Variants in BRD10 observed in about 807,000 individuals in gnomAD.
BRD10 encodes the protein bromodomain containing 10.
chr9:5,886,281 C>A, the BRD10 span, among the ~76,000 whole-genome samples: 1 of 152,186 alleles, frequency 6.6e-6, no homozygotes. Flanking sequence ...GGTGGCCAAG[C>A]CCACTAGGTG....
the BRD10 span, among the ~76,000 whole-genome samples, chr9:5,999,167 C>T: frequency 0.89 from 134,811 of 151,970 alleles, 60,833 homozygotes; most frequent in Non-Finnish European, 0.99. Context: ...CTAACTTAAA[C>T]TGATAAAATT....
At chr9:5,901,377 TAA>T in the BRD10 span, among the ~76,000 whole-genome samples, 1 of 152,192 alleles carries the variant, frequency 6.6e-6, no homozygotes, top group African/African-American at 2.4e-5. Context: ...CAAACTTGAG[TAA>T]GTTTCCCTTT....
the BRD10 span, among the ~76,000 whole-genome samples, chr9:5,955,446 T>C: frequency 3.9e-5 from 6 of 152,352 alleles, no homozygotes; most frequent in South Asian, 2.1e-4. Flanking sequence ...ATAATCCTAA[T>C]GCTCCTTTCC....
chr9:5,920,052 A>G, the BRD10 span: 1 of 1,613,986 alleles, frequency 6.2e-7, no homozygotes, highest in Middle Eastern at 1.6e-4. Flanking sequence ...AGTTGTGGTG[A>G]TGTATGTACT....
the BRD10 span, chr9:5,890,978 C>A: frequency 6.6e-6 from 1 of 152,148 alleles, no homozygotes; most frequent in East Asian, 1.9e-4. Flanking sequence ...GTCCTCTTCT[C>A]CCAGAATAGG....
chr9:5,923,427 C>T, the BRD10 span: 1 of 736,080 alleles, frequency 1.4e-6, no homozygotes, highest in South Asian at 2.0e-5. Context: ...AAATCTACTG[C>T]AGGGTGATTC....
the BRD10 span, among the ~76,000 whole-genome samples, chr9:5,998,124 G>A: frequency 6.6e-6 from 1 of 152,042 alleles, no homozygotes; most frequent in Non-Finnish European, 1.5e-5. Context: ...AAAAAGAAAA[G>A]TTCTGTTTTG....
the BRD10 span, among the ~76,000 whole-genome samples, chr9:5,939,642 C>G: frequency 1.3e-5 from 2 of 152,186 alleles, no homozygotes; most frequent in African/African-American, 4.8e-5. Flanking sequence ...AAAACATCAA[C>G]TTGTTTTCTC....
the BRD10 span, among the ~76,000 whole-genome samples, chr9:6,001,208 A>C: frequency 6.6e-6 from 1 of 152,196 alleles, no homozygotes; most frequent in Non-Finnish European, 1.5e-5. Context: ...ACTGTTTATT[A>C]TCTCTTGATG....
chr9:5,984,383 C>T, the BRD10 span, among the ~76,000 whole-genome samples: 8 of 152,204 alleles, frequency 5.3e-5, no homozygotes, highest in East Asian at 1.5e-3. Flanking sequence ...TTATTTGAAA[C>T]TGACCATGAT....
chr9:5,972,282 T>G, the BRD10 span, among the ~76,000 whole-genome samples: 1 of 152,012 alleles, frequency 6.6e-6, no homozygotes, highest in Admixed American at 6.6e-5. Context: ...GAAAAGAAAC[T>G]GAAAACATGA....
At chr9:5,958,689 C>T in the BRD10 span, among the ~76,000 whole-genome samples, 1 of 152,186 alleles carries the variant, frequency 6.6e-6, no homozygotes, top group South Asian at 2.1e-4. Context: ...TAGATTTAGC[C>T]TTTCCATGTT....
chr9:5,988,781 T>C, the BRD10 span, among the ~76,000 whole-genome samples: 1 of 152,144 alleles, frequency 6.6e-6, no homozygotes, highest in South Asian at 2.1e-4. Flanking sequence ...GACTGAAGCA[T>C]TTAAAATATT....
chr9:5,947,964 C>T, the BRD10 span, among the ~76,000 whole-genome samples: 1 of 152,114 alleles, frequency 6.6e-6, no homozygotes, highest in Admixed American at 6.6e-5. Flanking sequence ...CATAGCAGCT[C>T]AGATTACAGT....
the BRD10 span, chr9:5,933,753 C>T: frequency 1.1e-5 from 5 of 470,368 alleles, no homozygotes; most frequent in Non-Finnish European, 2.2e-5. Flanking sequence ...AAACTTACCT[C>T]ACAACTAAAG....
chr9:5,927,472 T>G, the BRD10 span, among the ~76,000 whole-genome samples: 1 of 152,190 alleles, frequency 6.6e-6, no homozygotes, highest in Non-Finnish European at 1.5e-5. Flanking sequence ...TTCCAGATAC[T>G]GCTCCATTTC....
chr9:5,966,592 T>C, the BRD10 span, among the ~76,000 whole-genome samples: 1 of 151,030 alleles, frequency 6.6e-6, no homozygotes, highest in African/African-American at 2.4e-5. Flanking sequence ...CCCGAGTAGC[T>C]GGGACTATAG....
chr9:5,988,353 T>C, the BRD10 span: 1 of 1,611,072 alleles, frequency 6.2e-7, no homozygotes, highest in East Asian at 2.2e-5. Flanking sequence ...ACCTTTTTTC[T>C]TCTTTTGCTC....
chr9:5,917,132 AATG>A, the BRD10 span, among the ~76,000 whole-genome samples: 5 of 152,208 alleles, frequency 3.3e-5, no homozygotes, highest in East Asian at 1.9e-4. Flanking sequence ...CTGGCACAAT[AATG>A]ATGATGATTG....
Sources: allele counts gnomAD v4.1 joint callset (sites outside exome capture counted in the v4.1 genomes callset), GRCh38; gene constraint gnomAD v4.1.1; transcripts MANE v1.5; gene names NCBI Gene and HGNC (gene_info 2026-07-23, HGNC 2026-07-21).